CADPS2: variants seen among roughly 807,000 people sequenced by gnomAD.
CADPS2 encodes calcium dependent secretion activator 2.
In CADPS2, 93 loss-of-function variants were observed where a neutral mutation model predicts 172.5. That is an observed-to-expected ratio of 0.54 (90% CI 0.46 to 0.64). CADPS2 has a LOEUF of 0.64. Among genes scored for constraint, CADPS2 ranks in the 30% least tolerant of loss-of-function variants. CADPS2 has a pLI of 0.00. For synonymous variants in CADPS2, 546 were observed against 555.2 expected, an observed-to-expected ratio of 0.98 and a Z score of 0.23; for missense variants, 1,420 against 1,565.9, an observed-to-expected ratio of 0.91 and a Z score of 1.57.
chr7:122,651,863 C>A (rs1001989605), intron 3 of CADPS2, among the ~76,000 whole-genome samples: 2 of 152,146 alleles, frequency 1.3e-5, no homozygotes, highest in South Asian at 2.1e-4. Flanking sequence ...AGATATGGTA[C>A]TATGTATCCC....
rs559928535 is a variant in CADPS2 at position 122,646,030 on chromosome 7, A to G, written c.787-16702T>C. Among the ~76,000 whole-genome samples, 6 of 152,102 alleles carry G rather than the reference A, an allele frequency of 3.9e-5. No individual in the cohort carries two copies. In the South Asian group the frequency reaches 1.2e-3, roughly 31 times the overall value. ...AATAATGCTGAGATTAAAGGAGTTT[A>G]TCATTAAGTAAAGTAACAAAGACAC... On this transcript the variant is annotated intron_variant, in intron 3 of 29. Transcript: ENST00000449022.
Position 122,621,602 on chromosome 7 carries a change from C to A in CADPS2, c.983G>T (p.Gly328Val). 1 of 1,613,790 alleles carries A rather than the reference C, an allele frequency of 6.2e-7. No homozygotes were observed. Among genetic ancestry groups the A allele is most frequent in the Non-Finnish European group, 8.5e-7 (1 of 1,179,766 alleles). Residue 328 changes from glycine (G) to valine (V), a missense_variant, in exon 5 of 30, where the codon GGT (glycine) becomes GTT (valine). Coordinates refer to ENST00000449022, the MANE Select transcript of CADPS2 (RefSeq NM_017954.11). ...TTTTTGTAATTTAAATTCCGGACCA[C>A]CTTTCGAAACTGGAAGACTTTCCAA... The part of the protein sequence containing the change: ...ANLESLPVSK[G>V]GPEFKLQKLK...
intron 1 of CADPS2, among the ~76,000 whole-genome samples, chr7:122,809,201 A>T (rs528225394): frequency 6.6e-6 from 1 of 152,302 alleles, no homozygotes; most frequent in Admixed American, 6.5e-5. Flanking sequence ...AGGGTCTAAG[A>T]CAAAAGTGTG....
intron 6 of CADPS2, among the ~76,000 whole-genome samples, chr7:122,613,459 T>G (rs1365699984): frequency 1.3e-5 from 2 of 152,148 alleles, no homozygotes; most frequent in Non-Finnish European, 2.9e-5. Flanking sequence ...GGAAGATATT[T>G]ATACCATATC....
At position 122,621,691 on chromosome 7, in the gene CADPS2, T is replaced by C. The variant is rs746508498; in HGVS notation, c.894A>G (p.Ala298=). ...CTATATACATATTCTCCATATCTTTTGCTATAAATTTGGGGAATTTTCTTT... is the reference window on the plus strand; with the variant it reads ...CTATATACATATTCTCCATATCTTTCGCTATAAATTTGGGGAATTTTCTTT... ...AKERKFPKFI[A]KDMENMYIEE... Residue 298 remains alanine (A), a synonymous_variant, in exon 5 of 30, where the codon GCA becomes GCG. Transcript: ENST00000449022. 10 of 1,589,522 alleles carry C rather than the reference T, an allele frequency of 6.3e-6. No individual in the cohort carries two copies. The African/African-American group carries it at 1.4e-4, about 22-fold the overall frequency.
At chr7:122,415,454 CTGTTAACTAAATGCACTCAG>C (rs2047776714) in intron 18 of CADPS2, among the ~76,000 whole-genome samples, 1 of 152,246 alleles carries the variant, frequency 6.6e-6, no homozygotes, top group African/African-American at 2.4e-5. Flanking sequence ...GTAGCCCTTG[CTGTTAACTAAATGCACTCAG>C]TGTTAACTAA....
chr7:122,737,390 AT>A (rs1416574955), intron 1 of CADPS2, among the ~76,000 whole-genome samples: 3 of 152,068 alleles, frequency 2.0e-5, no homozygotes, highest in East Asian at 3.9e-4. Context: ...CGCCTTGCTA[AT>A]TTTTGTATTT....
intron 18 of CADPS2, 35 bp downstream of exon 18, chr7:122,416,026 T>C (rs749907179): frequency 7.4e-7 from 1 of 1,347,368 alleles, no homozygotes; most frequent in Non-Finnish European, 1.0e-6. Context: ...AAGCCTTACA[T>C]ATAGCTTTAT....
chr7:122,550,748 T>C (rs1277064466), intron 8 of CADPS2, among the ~76,000 whole-genome samples: 1 of 135,862 alleles, frequency 7.4e-6, no homozygotes, highest in Non-Finnish European at 1.6e-5. Flanking sequence ...AGAACACTTC[T>C]ATCTTCATGC....
chr7:122,768,480 T>C (rs2093619291), intron 1 of CADPS2, among the ~76,000 whole-genome samples: 2 of 152,134 alleles, frequency 1.3e-5, no homozygotes, highest in African/African-American at 2.4e-5. Flanking sequence ...GGTCTAGAAA[T>C]CTGAAGGCTT....
In CADPS2 at chr7:122,539,199, A is replaced by T. The variant is rs139592056; in HGVS notation, c.1475+15351T>A. ...TGAGAAGTGGGACCTTTAAGATCACAAAGGACTCTGCCCTCACAAATGGAT... is the reference window on the plus strand; with the variant it reads ...TGAGAAGTGGGACCTTTAAGATCACTAAGGACTCTGCCCTCACAAATGGAT... On this transcript the variant is annotated intron_variant, in intron 8 of 29. Transcript: ENST00000449022. Among the ~76,000 whole-genome samples, 56 of 152,250 alleles carry T rather than the reference A, an allele frequency of 3.7e-4. 1 individual carries two copies. Among genetic ancestry groups the T allele is most frequent in the East Asian group, 1.2e-3 (6 of 5,172 alleles).
At chr7:122,526,179 C>CTTATTTATTTATTTATTTAT (rs3069351) in intron 8 of CADPS2, among the ~76,000 whole-genome samples, 42 of 149,858 alleles carry the variant, frequency 2.8e-4, no homozygotes, top group African/African-American at 1.0e-3. Flanking sequence ...CTTTGATACA[C>CTTATTTATTTATTTATTTAT]TTATTTATTT....
intron 1 of CADPS2, chr7:122,850,257 C>T (rs574573517): frequency 3.1e-6 from 3 of 970,864 alleles, no homozygotes; most frequent in East Asian, 6.5e-5. Context: ...GCTCCTGCTC[C>T]ACTGGGGGCC....
At chr7:122,713,346 T>C (rs1436262157) in intron 2 of CADPS2, among the ~76,000 whole-genome samples, 1 of 152,034 alleles carries the variant, frequency 6.6e-6, no homozygotes, top group Non-Finnish European at 1.5e-5. Context: ...GCAACCTATC[T>C]AAACTCATGT....
At chr7:122,779,805 C>T (rs1356983908) in intron 1 of CADPS2, among the ~76,000 whole-genome samples, 2 of 152,182 alleles carry the variant, frequency 1.3e-5, no homozygotes, top group Admixed American at 1.3e-4. Flanking sequence ...TGTCCTCCCC[C>T]TCTCCCTATC....
intron 7 of CADPS2, among the ~76,000 whole-genome samples, chr7:122,562,445 C>T (rs2065893086): frequency 6.6e-6 from 1 of 152,134 alleles, no homozygotes; most frequent in Admixed American, 6.6e-5. Context: ...CAAAACAAAA[C>T]ACACAACAAA....
intron 14 of CADPS2, among the ~76,000 whole-genome samples, chr7:122,466,492 C>T (rs2055156280): frequency 2.0e-5 from 3 of 152,130 alleles, no homozygotes; most frequent in African/African-American, 4.8e-5. Context: ...CCCATGACCA[C>T]GGATAGGAGA....
intron 6 of CADPS2, among the ~76,000 whole-genome samples, chr7:122,596,021 G>A (rs1161795552): frequency 6.6e-6 from 1 of 152,054 alleles, no homozygotes; most frequent in Non-Finnish European, 1.5e-5. Flanking sequence ...AGCCTCAGGA[G>A]TCTGGTCAAG....
intron 2 of CADPS2, among the ~76,000 whole-genome samples, chr7:122,733,439 GA>G (rs2091871360): frequency 6.7e-6 from 1 of 148,546 alleles, no homozygotes; most frequent in African/African-American, 2.4e-5. Context: ...ATACATTCTA[GA>G]AGTTATAAGG....
Sources: gnomAD v4.1 joint callset for allele counts (sites outside exome capture counted in the v4.1 genomes callset) on GRCh38, gnomAD v4.1.1 for gene constraint, MANE v1.5 for transcripts, NCBI Gene and HGNC (gene_info 2026-07-23, HGNC 2026-07-21) for gene names.